FRMPD3: variants seen among roughly 807,000 people sequenced by gnomAD.
The protein encoded by FRMPD3 is FERM and PDZ domain containing 3.
In FRMPD3, 42 loss-of-function variants were observed where a neutral mutation model predicts 97.9. That is an observed-to-expected ratio of 0.43 (90% CI 0.34 to 0.55). The LOEUF (loss-of-function observed/expected upper bound fraction) is 0.55. Among genes scored for constraint, FRMPD3 ranks in the 20% least tolerant of loss-of-function variants. The pLI is 0.03. For missense variants in FRMPD3, 1,303 were observed against 1,457.7 expected (o/e 0.89, Z 1.73); for synonymous variants, 577 against 581.1 (o/e 0.99, Z 0.10).
At chrX:107,546,619 A>G (rs1422028768) in intron 5 of FRMPD3, among the ~76,000 whole-genome samples, 2 of 112,405 alleles carry the variant, frequency 1.8e-5, no homozygotes, top group Admixed American at 9.4e-5. Context: ...GAGAAGAGGC[A>G]GGTGAAGAGC....
chrX:107,546,590 C>T (rs1340989524), intron 5 of FRMPD3, among the ~76,000 whole-genome samples: 1 of 112,178 alleles, frequency 8.9e-6, no homozygotes, highest in African/African-American at 3.2e-5. Context: ...AGTGAACTGT[C>T]GGCTCCAGAT....
chrX:107,592,926 G>A (rs1476900245), intron 13 of FRMPD3, among the ~76,000 whole-genome samples: 1 of 107,863 alleles, frequency 9.3e-6, no homozygotes, highest in Non-Finnish European at 1.9e-5. Flanking sequence ...TTACGGGCAT[G>A]CACCACCATG....
At chrX:107,465,795 C>T (rs958914424) in intron 1 of FRMPD3, among the ~76,000 whole-genome samples, 16 of 109,842 alleles carry the variant, frequency 1.5e-4, no homozygotes, top group African/African-American at 5.0e-4. Flanking sequence ...ATATTAAGGA[C>T]TGTTATGAAA....
chrX:107,493,177 C>CAAAAAA (rs60695168), intron 1 of FRMPD3, among the ~76,000 whole-genome samples: 7 of 51,680 alleles, frequency 1.4e-4, no homozygotes, highest in East Asian at 7.7e-4. Flanking sequence ...GAGACCCTGT[C>CAAAAAA]AAAAAAAAAA....
intron 1 of FRMPD3, among the ~76,000 whole-genome samples, chrX:107,466,704 T>C (rs1156963374): frequency 8.9e-6 from 1 of 112,195 alleles, no homozygotes; most frequent in Non-Finnish European, 1.9e-5. Flanking sequence ...CTGCAGTGCA[T>C]GGAGCAAGTC....
In FRMPD3 at chrX:107,600,445, C is replaced by A. The variant is rs1394331780; in HGVS notation, c.2406C>A (p.His802Gln). 4.1e-6 allele frequency: 5 copies of A among 1,210,696 alleles called. No individual in the cohort carries two copies. The East Asian group carries it at 1.2e-4, about 29-fold the overall frequency. The change falls in exon 15 of 15, where the codon CAC (histidine) becomes CAA (glutamine). Residue 802 changes from histidine (H) to glutamine (Q), a missense_variant. His to Gln is a conservative substitution (Grantham distance 24). This residue lies in a region of FRMPD3 where 764 missense variants were observed against 820.2 expected (regional missense o/e 0.93). Transcript: ENST00000683843. ...HQNTTYFLAQ[H>Q]LNKDSLLARK... ...ACACCACCTACTTCCTGGCCCAGCACCTCAACAAGGACAGCCTCCTTGCCC... is the reference window on the plus strand; with the variant it reads ...ACACCACCTACTTCCTGGCCCAGCAACTCAACAAGGACAGCCTCCTTGCCC...
In FRMPD3 at chrX:107,528,336, G is replaced by A. The variant is rs187877663; in HGVS notation, c.148+1600G>A. On this transcript the variant is annotated intron_variant, in intron 2 of 14. Coordinates refer to ENST00000683843, the MANE Select transcript of FRMPD3 (RefSeq NM_001388459.1). The stretch of plus-strand genomic sequence containing the variant: ...AGCCAACAAACCATTTGTGAAAGCA[G>A]TAGTAGACTGATGTTACCGGTACCA... Among the ~76,000 whole-genome samples the A allele has an allele frequency of 5.4e-5, 6 of 111,697 alleles. No homozygotes were observed. The East Asian group carries it at 1.7e-3, about 32-fold the overall frequency.
chrX:107,577,177 A>T (rs1382173587), intron 13 of FRMPD3, among the ~76,000 whole-genome samples: 37 of 104,049 alleles, frequency 3.6e-4, no homozygotes, highest in African/African-American at 1.3e-3. Context: ...AAAAAAAAAA[A>T]AAAAAAAAAA....
In FRMPD3 at chrX:107,602,725, G is replaced by T; in HGVS notation, c.4686G>T (p.Glu1562Asp). The change falls in exon 15 of 15, where the codon GAG becomes GAT. Residue 1562 changes from glutamate (E) to aspartate (D), a missense_variant. Glu to Asp is a conservative substitution (Grantham distance 45). Coordinates refer to ENST00000683843, the MANE Select transcript of FRMPD3 (RefSeq NM_001388459.1). ...GCCCTGAGGCCTCCCGCACTCAGGAGATTGACCTCCGTGTGTCCACCTTCG... is the reference window on the plus strand; with the variant it reads ...GCCCTGAGGCCTCCCGCACTCAGGATATTGACCTCCGTGTGTCCACCTTCG... The part of the protein sequence containing the change: ...SSSPEASRTQ[E>D]IDLRVSTFEG... The T allele has an allele frequency of 1.7e-6, 2 of 1,208,237 alleles. No individual in the cohort carries two copies. The highest frequency in any genetic ancestry group is 2.3e-4 in the Middle Eastern group (1 of 4,345).
rs767842378 is a variant in FRMPD3, at chrX:107,601,238, C to T, written c.3199C>T (p.Arg1067Ter). 3 of 1,206,811 alleles carry T rather than the reference C, an allele frequency of 2.5e-6. No individual in the cohort carries two copies. Among genetic ancestry groups the T allele is most frequent in the Admixed American group, 2.2e-5 (1 of 45,614 alleles). Residue 1067 changes from arginine to a stop codon, truncating the protein, a stop_gained, in exon 15 of 15, where the codon CGA becomes TGA. Transcript: ENST00000683843. LOFTEE classifies it high-confidence loss of function. ...QNFPPKSYLL[R>*]TSRESVGKQA... ...TTTCCCTCCCAAAAGCTATCTTTTG[C>T]GAACAAGCCGAGAGTCAGTGGGCAA...
intron 1 of FRMPD3, among the ~76,000 whole-genome samples, chrX:107,486,541 G>A (rs1194364268): frequency 8.9e-6 from 1 of 112,408 alleles, no homozygotes; most frequent in Non-Finnish European, 1.9e-5. Flanking sequence ...TAAAGGAAGG[G>A]TCCAACTTTT....
Position 107,597,569 on chromosome X carries a change from C to A in FRMPD3, c.1690C>A (p.Pro564Thr). ...GACCAGGCCCCGAACCAAGTCTGAC[C>A]CCACATCCAAAAGCTCTGGCCAAGG... ...EETRPRTKSD[P>T]TSKSSGQGYE... Residue 564 changes from proline (P) to threonine (T), a missense_variant, in exon 14 of 15, where the codon CCC becomes ACC. Transcript: ENST00000683843. 8.3e-7 allele frequency: 1 copy of A among 1,210,779 alleles called. No homozygotes were observed. Among genetic ancestry groups the A allele is most frequent in the Non-Finnish European group, 1.1e-6 (1 of 895,376 alleles).
rs188351814 is a variant in FRMPD3, at chrX:107,560,983, G to A, written c.1026+130G>A. On this transcript the variant is annotated intron_variant, in intron 10 of 14. Transcript: ENST00000683843. The stretch of plus-strand genomic sequence containing the variant: ...CTGCTTTTGACTCAGGTGCACATAC[G>A]GCTTGGCCAGGTGTGGGGCAGTTGT... 29 of 704,485 alleles carry A rather than the reference G, an allele frequency of 4.1e-5. No individual in the cohort carries two copies. In the Admixed American group the frequency reaches 5.0e-4, roughly 12 times the overall value. 58.1% of individuals were successfully genotyped at this position (704,485 alleles called of 1,213,427 possible).
At position 107,558,269 on chromosome X, in the gene FRMPD3, T is replaced by G. The variant is rs188396564; in HGVS notation, c.763-1988T>G. On this transcript the variant is annotated intron_variant, in intron 8 of 14. Coordinates refer to ENST00000683843, the MANE Select transcript of FRMPD3 (RefSeq NM_001388459.1). ...TTGTCCCTAATTATTTCATATTTTTTGATGCTATTGTAAATGATTTTGATT... is the reference window on the plus strand; with the variant it reads ...TTGTCCCTAATTATTTCATATTTTTGGATGCTATTGTAAATGATTTTGATT... Among the ~76,000 whole-genome samples the G allele has an allele frequency of 6.3e-3, 701 of 111,430 alleles. 8 individuals carry two copies. The highest frequency in any genetic ancestry group is 0.022 in the African/African-American group (678 of 30,743).
In FRMPD3 at chrX:107,576,477, T is replaced by C; in HGVS notation, c.1441+18T>C. The stretch of plus-strand genomic sequence containing the variant: ...CAAGGCAGGTAGGGCTCAACCTCGG[T>C]TGGTTTTTGCTGTGCCAGAGGCCCT... On this transcript the variant is annotated intron_variant, in intron 13 of 14. Coordinates refer to ENST00000683843, the MANE Select transcript of FRMPD3 (RefSeq NM_001388459.1). The C allele has an allele frequency of 8.3e-7, 1 of 1,207,825 alleles. No homozygotes were observed. Among genetic ancestry groups the C allele is most frequent in the Non-Finnish European group, 1.1e-6 (1 of 894,132 alleles).
intron 4 of FRMPD3, among the ~76,000 whole-genome samples, chrX:107,540,435 T>C (rs1392522583): frequency 4.5e-5 from 5 of 112,050 alleles, no homozygotes; most frequent in Non-Finnish European, 9.4e-5. Context: ...TGGTCAAGAT[T>C]TGAGTGATCA....
At chrX:107,586,707 C>G (rs1225422208) in intron 13 of FRMPD3, among the ~76,000 whole-genome samples, 1 of 111,648 alleles carries the variant, frequency 9.0e-6, no homozygotes, top group Non-Finnish European at 1.9e-5. Flanking sequence ...TCATTATTTA[C>G]CCAGGAGTCA....
At position 107,602,522 on chromosome X, in the gene FRMPD3, C is replaced by T. The variant is rs1337963429; in HGVS notation, c.4483C>T (p.Arg1495Cys). Residue 1495 changes from arginine to cysteine, a missense_variant, in exon 15 of 15, where the codon CGC becomes TGC. Around this residue, in one of 3 missense-constraint regions of FRMPD3, gnomAD observed 764 missense variants for 820.2 expected, o/e 0.93. Transcript: ENST00000683843. ...TGAGAGCAGCAAGTGCTGCTCCATC[C>T]GCTACTGCTTCTACTACCGCAAGTG... ...DSESSKCCSIRYCFYYRKCDM... is the reference protein window; with the variant it reads ...DSESSKCCSICYCFYYRKCDM... 1.1e-5 allele frequency: 13 copies of T among 1,211,519 alleles called. No homozygotes were observed. The highest frequency in any genetic ancestry group is 3.0e-5 in the East Asian group (1 of 33,867).
chrX:107,477,987 C>T (rs1164200237), intron 1 of FRMPD3, among the ~76,000 whole-genome samples: 4 of 111,580 alleles, frequency 3.6e-5, no homozygotes, highest in African/African-American at 1.3e-4. Context: ...CACCTAGATC[C>T]TCATCTCCTC....
Sources: allele counts gnomAD v4.1 joint callset (sites outside exome capture counted in the v4.1 genomes callset), GRCh38; gene constraint gnomAD v4.1.1; regional missense constraint gnomAD v4.1.1; transcripts MANE v1.5; gene names NCBI Gene and HGNC (gene_info 2026-07-23, HGNC 2026-07-21).